NOS2: variants seen among roughly 807,000 people sequenced by gnomAD.
NOS2 encodes nitric oxide synthase 2, also known as nitric oxide synthase, inducible.
A neutral mutation model predicts 136.0 loss-of-function variants in NOS2; 96 were observed. The observed-to-expected ratio is 0.71, with a 90% CI of 0.60 to 0.84. NOS2 has a LOEUF of 0.84. NOS2 is among the 40% of genes least tolerant of loss of function. NOS2 has a pLI of 0.00. For missense variants in NOS2, 1,237 were observed against 1,496.9 expected, an observed-to-expected ratio of 0.83 and a Z score of 2.87; for synonymous variants, 539 against 587.5, an observed-to-expected ratio of 0.92 and a Z score of 1.20.
chr17:27,765,066 C>T (rs2151325998), intron 20 of NOS2, among the ~76,000 whole-genome samples: 1 of 152,332 alleles, frequency 6.6e-6, no homozygotes, highest in South Asian at 2.1e-4. Context: ...GCAACCTCCA[C>T]CTCCTGGCTT....
chr17:27,772,138 T>A (rs1396357816), intron 14 of NOS2, among the ~76,000 whole-genome samples, 170 bp downstream of exon 14: 1 of 152,230 alleles, frequency 6.6e-6, no homozygotes, highest in Non-Finnish European at 1.5e-5. Context: ...ATCTACTGTG[T>A]AAGTTTTGGA....
In NOS2 at chr17:27,798,847, A is replaced by G. The variant is rs370898777; in HGVS notation, c.-38T>C. 46 of 1,291,820 alleles carry G rather than the reference A, an allele frequency of 3.6e-5. No individual in the cohort carries two copies. In the African/African-American group the frequency reaches 5.8e-4, roughly 16 times the overall value. 80.0% of individuals were successfully genotyped at this position (1,291,820 alleles called of 1,614,324 possible). On this transcript the variant is annotated 5_prime_UTR_variant, in exon 2 of 27. Transcript: ENST00000313735. ...ACAAAGCAGGTCACTTATGTCACTT[A>G]TCTGGATTTGAGCTCAGATGTTCTT...
At chr17:27,798,904 G>A (rs1471155145) in intron 1 of NOS2, 22 bp from the exon 2 acceptor site, 2 of 816,042 alleles carry the variant, frequency 2.5e-6, no homozygotes, top group African/African-American at 3.3e-5. Flanking sequence ...AAGCAGAGGT[G>A]AGGGAAGGTT....
At chr17:27,758,805 C>T in intron 26 of NOS2, 76 bp downstream of exon 26, 1 of 1,151,370 alleles carries the variant, frequency 8.7e-7, no homozygotes, top group Non-Finnish European at 1.2e-6. Context: ...CCTGGGTCTA[C>T]CTGCCACCCC....
In NOS2 at chr17:27,765,537, C is replaced by G. The variant is rs770993464; in HGVS notation, c.2426G>C (p.Ser809Thr). 3.8e-6 allele frequency: 6 copies of G among 1,596,828 alleles called. No homozygotes were observed. Among genetic ancestry groups the G allele is most frequent in the Non-Finnish European group, 5.1e-6 (6 of 1,172,856 alleles). Residue 809 changes from serine (S) to threonine (T), a missense_variant and splice_region_variant, in exon 20 of 27, where the codon AGT becomes ACT. Coordinates refer to ENST00000313735, the MANE Select transcript of NOS2 (RefSeq NM_000625.4). Reference sequence around the variant, plus strand: ...TGGCTTTCTAGCCCGGGGCTCACCACTCTCATCCAGGGCCTCCAGGCGCAC... The same window carrying G: ...TGGCTTTCTAGCCCGGGGCTCACCAGTCTCATCCAGGGCCTCCAGGCGCAC... Reference protein sequence around the residue: ...QTVRLEALDESGSYWVSDKRL... With the variant: ...QTVRLEALDETGSYWVSDKRL...
chr17:27,776,225 G>A (rs575406293), intron 11 of NOS2, among the ~76,000 whole-genome samples: 2 of 152,288 alleles, frequency 1.3e-5, no homozygotes, highest in African/African-American at 4.8e-5. Context: ...GTCAGGCCTG[G>A]GAAGGCCAGC....
intron 5 of NOS2, among the ~76,000 whole-genome samples, chr17:27,786,027 C>T (rs543059665): frequency 3.8e-4 from 58 of 151,476 alleles, no homozygotes; most frequent in Middle Eastern, 6.8e-3. Context: ...CCACTCTTTC[C>T]GCCAGGGAGT....
chr17:27,771,542 C>T (rs1192335718), intron 14 of NOS2, among the ~76,000 whole-genome samples: 1 of 152,232 alleles, frequency 6.6e-6, no homozygotes, highest in Non-Finnish European at 1.5e-5. Context: ...GCAACCTGGC[C>T]GACCTGGTCA....
In NOS2 at chr17:27,757,367, A is replaced by T; in HGVS notation, c.3355-14T>A. Reference sequence around the variant, plus strand: ...GCGCTTCTGGCTCTTTTAGGTAAAAACAGAGAGCAACGTGTCAAGTCCAGG... The same window carrying T: ...GCGCTTCTGGCTCTTTTAGGTAAAATCAGAGAGCAACGTGTCAAGTCCAGG... On this transcript the variant is annotated splice_polypyrimidine_tract_variant and intron_variant, in intron 26 of 26. Transcript: ENST00000313735. 6.2e-7 allele frequency: 1 copy of T among 1,612,138 alleles called. No homozygotes were observed. Among genetic ancestry groups the T allele is most frequent in the Non-Finnish European group, 8.5e-7 (1 of 1,178,524 alleles).
intron 9 of NOS2, among the ~76,000 whole-genome samples, chr17:27,779,667 G>A (rs1173117570): frequency 6.6e-6 from 1 of 152,126 alleles, no homozygotes; most frequent in Non-Finnish European, 1.5e-5. Flanking sequence ...TCAAGTATGT[G>A]CCAGGCTCTG....
rs574431235 is a variant in NOS2, at chr17:27,766,545, G to A, written c.2211C>T (p.Leu737=). ...GACTTTGTAGATTCTGCCGAGATTTGAGCCTCATGGTGAACACGTTCTTGG... is the reference window on the plus strand; with the variant it reads ...GACTTTGTAGATTCTGCCGAGATTTAAGCCTCATGGTGAACACGTTCTTGG... ...MHAKNVFTMR[L]KSRQNLQSPT... Residue 737 remains leucine, a synonymous_variant, in exon 19 of 27, where the codon CTC becomes CTT. Coordinates refer to ENST00000313735, the MANE Select transcript of NOS2 (RefSeq NM_000625.4). 1.9e-5 allele frequency: 31 copies of A among 1,614,130 alleles called. No individual in the cohort carries two copies. The South Asian group carries it at 3.3e-4, about 17-fold the overall frequency.
chr17:27,759,823 G>T lies in NOS2; in HGVS notation c.3159+207C>A, dbSNP rs191355796. Among the ~76,000 whole-genome samples the T allele has an allele frequency of 2.0e-5, 3 of 152,274 alleles. No homozygotes were observed. The East Asian group carries it at 5.8e-4, about 29-fold the overall frequency. On this transcript the variant is annotated intron_variant, in intron 25 of 26. Coordinates refer to ENST00000313735, the MANE Select transcript of NOS2 (RefSeq NM_000625.4). ...CTGGGGTTAACCCGCGTGTGACCTAGGTTAGTCCTGAACCTCTCCAGGTCT... is the reference window on the plus strand; with the variant it reads ...CTGGGGTTAACCCGCGTGTGACCTATGTTAGTCCTGAACCTCTCCAGGTCT...
intron 22 of NOS2, among the ~76,000 whole-genome samples, chr17:27,761,473 C>T (rs562153032): frequency 1.3e-5 from 2 of 152,158 alleles, no homozygotes; most frequent in South Asian, 2.1e-4. Flanking sequence ...GAAACTGAGA[C>T]GGGGAGAGGA....
At chr17:27,782,499 C>T (rs1908883318) in intron 6 of NOS2, among the ~76,000 whole-genome samples, 1 of 152,146 alleles carries the variant, frequency 6.6e-6, no homozygotes, top group Non-Finnish European at 1.5e-5. Context: ...CAGTTCTAAT[C>T]GATTTCTCTG....
chr17:27,795,396 A>G (rs1486617612), intron 2 of NOS2, among the ~76,000 whole-genome samples: 2 of 152,260 alleles, frequency 1.3e-5, no homozygotes, highest in African/African-American at 2.4e-5. Flanking sequence ...TTGACACAGT[A>G]CTAAGGACCT....
At position 27,766,602 on chromosome 17, in the gene NOS2, A is replaced by G; in HGVS notation, c.2168-14T>C. 6.2e-7 allele frequency: 1 copy of G among 1,611,388 alleles called. No individual in the cohort carries two copies. The highest frequency in any genetic ancestry group is 8.5e-7 in the Non-Finnish European group (1 of 1,177,496). On this transcript the variant is annotated splice_polypyrimidine_tract_variant and intron_variant, in intron 18 of 26. Coordinates refer to ENST00000313735, the MANE Select transcript of NOS2 (RefSeq NM_000625.4). ...TGCTGCTGAGGGCTGTGGAGGACACAGAGACGGTGAAATGGCAAAGTGGTT... is the reference window on the plus strand; with the variant it reads ...TGCTGCTGAGGGCTGTGGAGGACACGGAGACGGTGAAATGGCAAAGTGGTT...
At chr17:27,772,855 G>A (rs28999404) in intron 13 of NOS2, among the ~76,000 whole-genome samples, 2 of 152,146 alleles carry the variant, frequency 1.3e-5, no homozygotes, top group East Asian at 1.9e-4. Flanking sequence ...GCAACACTGC[G>A]AGACCCCGTC....
rs201644791 is a variant in NOS2 at position 27,780,897 on chromosome 17, C to T, written c.874G>A (p.Asp292Asn). The T allele has an allele frequency of 2.5e-4, 411 of 1,612,580 alleles. 2 individuals are homozygous for T. The South Asian group carries it at 2.9e-3, about 11-fold the overall frequency. Residue 292 changes from aspartate to asparagine, a missense_variant, in exon 9 of 27, where the codon GAC (aspartate) becomes AAC (asparagine). Coordinates refer to ENST00000313735, the MANE Select transcript of NOS2 (RefSeq NM_000625.4). ...CCGTACTTGGGCTTCCAGCCCAGGT[C>T]GATGCACAGCTGGGGAACAAGACGG... ...ANVEFTQLCI[D>N]LGWKPKYGRF... is the part of the protein sequence containing the mutation.
chr17:27,796,204 C>T (rs1909349172), intron 2 of NOS2, among the ~76,000 whole-genome samples: 1 of 152,116 alleles, frequency 6.6e-6, no homozygotes, highest in Middle Eastern at 3.2e-3. Flanking sequence ...TGTAATAGCA[C>T]TTTGGGAGGC....
Sources: gnomAD v4.1 joint callset for allele counts (sites outside exome capture counted in the v4.1 genomes callset) on GRCh38, gnomAD v4.1.1 for gene constraint, MANE v1.5 for transcripts, NCBI Gene and HGNC (gene_info 2026-07-23, HGNC 2026-07-21) for gene names.